TMEM144: variants seen among roughly 807,000 people sequenced by gnomAD.
TMEM144 encodes the protein transmembrane protein 144.
TMEM144 carries 39 observed loss-of-function variants against 43.6 expected under a neutral mutation model. The ratio of observed to expected loss-of-function variants is 0.90; its 90% CI spans 0.69 to 1.17. TMEM144 has a LOEUF of 1.17. Among genes scored for constraint, TMEM144 ranks in the 50% most tolerant of loss-of-function variants. TMEM144 has a pLI of 0.00. For synonymous variants in TMEM144, 154 were observed against 133.6 expected (o/e 1.15, Z -1.06); for missense variants, 417 against 411.9 (o/e 1.01, Z -0.11).
At position 158,232,944 on chromosome 4, in the gene TMEM144, A is replaced by C; in HGVS notation, c.457A>C (p.Thr153Pro). The C allele has an allele frequency of 1.2e-6, 2 of 1,612,110 alleles. No homozygotes were observed. Among genetic ancestry groups the C allele is most frequent in the South Asian group, 2.2e-5 (2 of 90,674 alleles). The change falls in exon 7 of 13, where the codon ACG becomes CCG. Residue 153 changes from threonine (T) to proline (P), a missense_variant. Physicochemically the swap from Thr to Pro is conservative, Grantham distance 38. Transcript: ENST00000296529. ...CATCAAAAGTGAAATACCAAATAAC[A>C]CGTGTTCCATGGATACCACTCCATT... The part of the protein sequence containing the change: ...LFIKSEIPNN[T>P]CSMDTTPLIT...
At chr4:158,244,116 A>C (rs1251965010) in intron 11 of TMEM144, among the ~76,000 whole-genome samples, 180 bp from the exon 12 acceptor site, 1 of 152,172 alleles carries the variant, frequency 6.6e-6, no homozygotes, top group East Asian at 1.9e-4. Context: ...AAAATGAAAA[A>C]AAGTCTTCAT....
chr4:158,222,410 A>G (rs1734552618), intron 6 of TMEM144, among the ~76,000 whole-genome samples: 1 of 151,822 alleles, frequency 6.6e-6, no homozygotes, highest in African/African-American at 2.4e-5. Flanking sequence ...ATTACACCAC[A>G]CTCCAGACAT....
chr4:158,249,607 C>T (rs1736077651), intron 12 of TMEM144, among the ~76,000 whole-genome samples: 1 of 152,142 alleles, frequency 6.6e-6, no homozygotes, highest in Non-Finnish European at 1.5e-5. Flanking sequence ...TCCCTGAGAA[C>T]ATTATTCTTC....
chr4:158,217,301 T>C lies in TMEM144; in HGVS notation c.233-20T>C, dbSNP rs755528739. On this transcript the variant is annotated intron_variant, in intron 4 of 12. Coordinates refer to ENST00000296529, the MANE Select transcript of TMEM144 (RefSeq NM_018342.5). Reference sequence around the variant, plus strand: ...TTCTATATGGAAATAACATGTTTCTTCTGTATATTACATCTACAGGGAACA... The same window carrying C: ...TTCTATATGGAAATAACATGTTTCTCCTGTATATTACATCTACAGGGAACA... The C allele has an allele frequency of 4.1e-6, 6 of 1,456,530 alleles. No individual in the cohort carries two copies. In the East Asian group the frequency reaches 1.4e-4, roughly 33 times the overall value. The allele number at this position is 1,456,530 out of a possible 1,614,324, so 90.2% of individuals were successfully genotyped here. A position where few individuals can be genotyped will look rare whatever the true frequency, so the allele number is the denominator to read the frequency against.
At chr4:158,249,644 T>G (rs143968189) in intron 12 of TMEM144, among the ~76,000 whole-genome samples, 30 of 152,352 alleles carry the variant, frequency 2.0e-4, no homozygotes, top group African/African-American at 7.2e-4. Context: ...AAAATAGCGC[T>G]TAGCAATGTA....
chr4:158,251,734 G>T (rs757058224), intron 12 of TMEM144, among the ~76,000 whole-genome samples: 6 of 152,112 alleles, frequency 3.9e-5, no homozygotes, highest in Non-Finnish European at 8.8e-5. Flanking sequence ...ACAGTTCTGA[G>T]AAATTGTTAC....
chr4:158,220,905 T>G (rs1734476861), intron 6 of TMEM144, among the ~76,000 whole-genome samples: 1 of 152,170 alleles, frequency 6.6e-6, no homozygotes, highest in South Asian at 2.1e-4. Context: ...GTTTCTCTGC[T>G]AAGAGGAATT....
In TMEM144 at chr4:158,254,905, G is replaced by C. The variant is rs1736406562; in HGVS notation, c.*1378G>C. Reference sequence around the variant, plus strand: ...TGTCAGGCCCCTCATTAACAAAATGGAGTTTATGATGGCATCTACCTCACA... The same window carrying C: ...TGTCAGGCCCCTCATTAACAAAATGCAGTTTATGATGGCATCTACCTCACA... On this transcript the variant is annotated 3_prime_UTR_variant, in exon 13 of 13. Coordinates refer to ENST00000296529, the MANE Select transcript of TMEM144 (RefSeq NM_018342.5). 6.6e-6 allele frequency: 1 copy of C among 152,146 alleles called. No homozygotes were observed. Among genetic ancestry groups the C allele is most frequent in the East Asian group, 1.9e-4 (1 of 5,186 alleles). The allele number at this position is 152,146 out of a possible 1,614,324, so 9.4% of individuals were successfully genotyped here.
intron 3 of TMEM144, among the ~76,000 whole-genome samples, chr4:158,214,289 A>G (rs1734110478): frequency 6.6e-6 from 1 of 152,114 alleles, no homozygotes; most frequent in South Asian, 2.1e-4. Flanking sequence ...TGGCCTCCCA[A>G]AGTGCTAGGA....
intron 4 of TMEM144, 23 bp downstream of exon 4, chr4:158,215,336 C>A (rs1307026146): frequency 3.1e-6 from 5 of 1,609,336 alleles, no homozygotes; most frequent in Non-Finnish European, 4.2e-6. Flanking sequence ...ATAACTTATA[C>A]TTTTATTATG....
chr4:158,229,714 G>A (rs1233087485), intron 6 of TMEM144, among the ~76,000 whole-genome samples: 2 of 152,148 alleles, frequency 1.3e-5, no homozygotes, highest in East Asian at 1.9e-4. Flanking sequence ...GTTCCTGCAG[G>A]GAGGCCCCGC....
intron 11 of TMEM144, among the ~76,000 whole-genome samples, chr4:158,243,955 T>G (rs1354713219): frequency 6.6e-6 from 1 of 152,172 alleles, no homozygotes; most frequent in Non-Finnish European, 1.5e-5. Flanking sequence ...TTCTTATTAA[T>G]CCCATTTCTA....
At chr4:158,232,188 A>G (rs1193406587) in intron 6 of TMEM144, among the ~76,000 whole-genome samples, 1 of 152,258 alleles carries the variant, frequency 6.6e-6, no homozygotes, top group Non-Finnish European at 1.5e-5. Context: ...TGTTGCAAAG[A>G]TACAGGACAT....
At position 158,244,334 on chromosome 4, in the gene TMEM144, G is replaced by A. The variant is rs771828704; in HGVS notation, c.939G>A (p.Met313Ile). 3.7e-6 allele frequency: 6 copies of A among 1,609,132 alleles called. No individual in the cohort carries two copies. In the South Asian group the frequency reaches 5.5e-5, roughly 15 times the overall value. ...GFIAAMWGIF[M>I]FKEIKGLQNY... is the part of the protein sequence containing the mutation. ...TAGCTGCAATGTGGGGTATCTTCAT[G>A]TTTAAGGAAATAAAGGTATGTACAA... Residue 313 changes from methionine to isoleucine, a missense_variant, in exon 12 of 13, where the codon ATG becomes ATA. Physicochemically the swap from Met to Ile is conservative, Grantham distance 10. Transcript: ENST00000296529.
At position 158,217,358 on chromosome 4, in the gene TMEM144, T is replaced by C. The variant is rs139835108; in HGVS notation, c.270T>C (p.Gly90=). Residue 90 remains glycine (G), a synonymous_variant, in exon 5 of 13, where the codon GGT becomes GGC. Transcript: ENST00000296529. ...TTGTCCCAATTATCAAAACCATTGG[T>C]TTAGGCCTTGGAATCTTAATCTGGG... ...IAVVPIIKTI[G]LGLGILIWGS... is the part of the protein sequence containing the mutation. The C allele has an allele frequency of 6.2e-7, 1 of 1,613,124 alleles. No homozygotes were observed. The highest frequency in any genetic ancestry group is 8.5e-7 in the Non-Finnish European group (1 of 1,179,444).
chr4:158,244,611 A>C (rs1415757867), intron 12 of TMEM144, among the ~76,000 whole-genome samples: 2 of 152,194 alleles, frequency 1.3e-5, no homozygotes, highest in African/African-American at 2.4e-5. Context: ...CGGAGGTTGC[A>C]GTGAGTCAAG....
At chr4:158,228,924 G>A (rs1410140690) in intron 6 of TMEM144, among the ~76,000 whole-genome samples, 3 of 152,120 alleles carry the variant, frequency 2.0e-5, no homozygotes, top group African/African-American at 7.2e-5. Flanking sequence ...GCGTGAGAGG[G>A]TCGTGATGGA....
chr4:158,215,350 C>A (rs1231676586), intron 4 of TMEM144, 37 bp downstream of exon 4: 1 of 1,601,202 alleles, frequency 6.2e-7, no homozygotes. Flanking sequence ...TATTATGTAA[C>A]ATAATGATAA....
At chr4:158,240,518 G>A in intron 10 of TMEM144, 100 bp downstream of exon 10, 1 of 1,306,416 alleles carries the variant, frequency 7.7e-7, no homozygotes, top group Non-Finnish European at 1.0e-6. Context: ...CATCCTCTGT[G>A]TGTATATGTG....
Sources: allele counts gnomAD v4.1 joint callset (sites outside exome capture counted in the v4.1 genomes callset), GRCh38; gene constraint gnomAD v4.1.1; transcripts MANE v1.5; gene names NCBI Gene and HGNC (gene_info 2026-07-23, HGNC 2026-07-21).